CTDNEP1: variants seen among roughly 807,000 people sequenced by gnomAD.
CTDNEP1 encodes CTD nuclear envelope phosphatase 1.
In CTDNEP1, 3 loss-of-function variants were observed where a neutral mutation model predicts 30.1. The observed-to-expected ratio is 0.10, with a 90% CI of 0.05 to 0.26. CTDNEP1 has a LOEUF of 0.26. Among genes scored for constraint, CTDNEP1 ranks in the 10% least tolerant of loss-of-function variants. The pLI, the probability that CTDNEP1 is intolerant of heterozygous loss-of-function variation, is 1.00. For synonymous variants in CTDNEP1, 123 were observed against 118.8 expected (o/e 1.04, Z -0.23); for missense variants, 158 against 310.4 (o/e 0.51, Z 3.69).
Position 7,244,564 on chromosome 17 carries a change from G to A in CTDNEP1, c.661C>T (p.Leu221=). 1.9e-6 allele frequency: 3 copies of A among 1,613,794 alleles called. No individual in the cohort carries two copies. In the South Asian group the frequency reaches 3.3e-5, roughly 18 times the overall value. The part of the protein sequence containing the change: ...DTALLNLLPM[L]DALRFTADVR... ...CACTTCCCTTACCTGAGGGCATCCAGCATTGGGAGCAGGTTGAGAAGGGCT... is the reference window on the plus strand; with the variant it reads ...CACTTCCCTTACCTGAGGGCATCCAACATTGGGAGCAGGTTGAGAAGGGCT... The change falls in exon 7 of 8, where the codon CTG becomes TTG. Residue 221 remains leucine, a synonymous_variant. Coordinates refer to ENST00000574322, the MANE Select transcript of CTDNEP1 (RefSeq NM_001143775.2).
At chr17:7,247,245 A>G (rs1276754839) in intron 2 of CTDNEP1, 32 bp downstream of exon 2, 3 of 1,611,864 alleles carry the variant, frequency 1.9e-6, no homozygotes, top group Non-Finnish European at 2.5e-6. Flanking sequence ...CCCCTACTTC[A>G]CCCTAAAGGA....
intron 6 of CTDNEP1, 26 bp from the exon 7 acceptor site, chr17:7,244,661 G>A (rs1167891729): frequency 6.6e-7 from 1 of 1,504,190 alleles, no homozygotes; most frequent in Non-Finnish European, 9.0e-7. Flanking sequence ...ATGCAGATGA[G>A]AAGAAACAGA....
intron 1 of CTDNEP1, among the ~76,000 whole-genome samples, chr17:7,250,777 G>C (rs978622963): frequency 6.6e-6 from 1 of 151,252 alleles, no homozygotes; most frequent in African/African-American, 2.4e-5. Context: ...TGACACACAA[G>C]TCTGTCTCTT....
intron 6 of CTDNEP1, among the ~76,000 whole-genome samples, chr17:7,245,557 G>C (rs911965747): frequency 1.3e-5 from 2 of 151,794 alleles, no homozygotes; most frequent in African/African-American, 4.8e-5. Context: ...GGAGTGCAAT[G>C]GTGCAATCTC....
Position 7,246,785 on chromosome 17 carries a change from A to C in CTDNEP1, c.360+6T>G. ...ACAGAGCTCCCTTTAGCTCTCCAAA[A>C]CTCACCACTTCCAGGAAGAAATCCA... On this transcript the variant is annotated splice_donor_region_variant and intron_variant, in intron 4 of 7. Coordinates refer to ENST00000574322, the MANE Select transcript of CTDNEP1 (RefSeq NM_001143775.2). The surrounding 1 kb of genome is among the most constrained non-coding windows in gnomAD (Gnocchi z 4.9). The C allele has an allele frequency of 6.2e-7, 1 of 1,612,790 alleles. No individual in the cohort carries two copies. Among genetic ancestry groups the C allele is most frequent in the Non-Finnish European group, 8.5e-7 (1 of 1,178,990 alleles).
In CTDNEP1 at chr17:7,248,731, C is replaced by G. The variant is rs576555344; in HGVS notation, c.103-1388G>C. 2.6e-5 allele frequency among the ~76,000 whole-genome samples: 4 copies of G among 152,258 alleles called. No homozygotes were observed. The South Asian group carries it at 6.2e-4, about 24-fold the overall frequency. ...ACGACCCCCACAACGCAACCTTCAC[C>G]CCAAGAATTATTTGTAGCAACTACC... On this transcript the variant is annotated intron_variant, in intron 1 of 7. Coordinates refer to ENST00000574322, the MANE Select transcript of CTDNEP1 (RefSeq NM_001143775.2).
chr17:7,247,872 C>T (rs1184204555), intron 1 of CTDNEP1, among the ~76,000 whole-genome samples: 1 of 152,002 alleles, frequency 6.6e-6, no homozygotes, highest in Non-Finnish European at 1.5e-5. Flanking sequence ...TGTTTCTCTC[C>T]CTAATTAAAA....
At chr17:7,248,287 A>AG (rs2071870864) in intron 1 of CTDNEP1, among the ~76,000 whole-genome samples, 5 of 146,980 alleles carry the variant, frequency 3.4e-5, no homozygotes, top group Non-Finnish European at 6.0e-5. Flanking sequence ...AAAAAAAAAA[A>AG]GTAGAATCAA....
chr17:7,244,770 A>C, intron 6 of CTDNEP1, 135 bp from the exon 7 acceptor site: 1 of 662,064 alleles, frequency 1.5e-6, no homozygotes, highest in Non-Finnish European at 2.5e-6. Context: ...CCTAAGTAAA[A>C]CTTTCCTGGT....
At chr17:7,247,247 C>T (rs753018839) in intron 2 of CTDNEP1, 30 bp downstream of exon 2, 10 of 1,612,356 alleles carry the variant, frequency 6.2e-6, no homozygotes, top group Admixed American at 1.7e-5. Flanking sequence ...CCTACTTCAC[C>T]CTAAAGGAGG....
intron 1 of CTDNEP1, among the ~76,000 whole-genome samples, chr17:7,249,140 C>G (rs2071880755): frequency 6.6e-6 from 1 of 152,192 alleles, no homozygotes; most frequent in Admixed American, 6.5e-5. Context: ...CTCTGCTTCT[C>G]CAAGCATTCT....
chr17:7,246,223 G>A lies in CTDNEP1; in HGVS notation c.477+31C>T, dbSNP rs1286930722. 9.4e-6 allele frequency: 15 copies of A among 1,589,828 alleles called. No individual in the cohort carries two copies. Among genetic ancestry groups the A allele is most frequent in the Non-Finnish European group, 1.2e-5 (14 of 1,158,088 alleles). On this transcript the variant is annotated intron_variant, in intron 5 of 7. Transcript: ENST00000574322. This position sits in a 1 kb window ranked among gnomAD's most constrained non-coding sequence, Gnocchi z 4.9. ...CCCTCCCTGGTGGCCTCCCTCCCAA[G>A]CCACACTCTTAGACTGGGATTCTAG...
At position 7,246,405 on chromosome 17, in the gene CTDNEP1, A is replaced by G; in HGVS notation, c.361-35T>C. 1 of 1,440,084 alleles carries G rather than the reference A, an allele frequency of 6.9e-7. No individual in the cohort carries two copies. Among genetic ancestry groups the G allele is most frequent in the Non-Finnish European group, 9.8e-7 (1 of 1,023,430 alleles). The allele number at this position is 1,440,084 out of a possible 1,614,324, so 89.2% of individuals were successfully genotyped here. On this transcript the variant is annotated intron_variant, in intron 4 of 7. Transcript: ENST00000574322. The surrounding 1 kb of genome is among the most constrained non-coding windows in gnomAD (Gnocchi z 4.9). ...ATTGGGGGAGAGGGCGATGCCATACAAGGTGATGATTCCTTTAGACATACA... is the reference window on the plus strand; with the variant it reads ...ATTGGGGGAGAGGGCGATGCCATACGAGGTGATGATTCCTTTAGACATACA...
chr17:7,251,661 A>C lies in CTDNEP1; in HGVS notation c.-365T>G. 1.0e-5 allele frequency: 1 copy of C among 96,326 alleles called. No homozygotes were observed. Among genetic ancestry groups the C allele is most frequent in the Non-Finnish European group, 2.0e-5 (1 of 49,334 alleles). 6.0% of individuals were successfully genotyped at this position (96,326 alleles called of 1,614,324 possible). On this transcript the variant is annotated 5_prime_UTR_variant, in exon 1 of 8. Transcript: ENST00000574322. The stretch of plus-strand genomic sequence containing the variant: ...GCAGTGGGGGAGGGGGCTAGGGAAA[A>C]GGGAGGAAGGGAAAAGGGAAGGGGA...
In CTDNEP1 at chr17:7,246,930, C is replaced by G. The variant is rs1342208709; in HGVS notation, c.289-68G>C. On this transcript the variant is annotated intron_variant, in intron 3 of 7. Transcript: ENST00000574322. This position sits in a 1 kb window ranked among gnomAD's most constrained non-coding sequence, Gnocchi z 4.9. ...CAACCCAGGCCTAGAAAACGCCCCA[C>G]CCATCTGCTTCCCTCCTCCAGGCTG... 6.8e-7 allele frequency: 1 copy of G among 1,477,574 alleles called. No homozygotes were observed. The highest frequency in any genetic ancestry group is 1.1e-5 in the South Asian group (1 of 87,484). 91.5% of individuals were successfully genotyped at this position (1,477,574 alleles called of 1,614,324 possible).
At chr17:7,244,735 G>T in intron 6 of CTDNEP1, 100 bp from the exon 7 acceptor site, 1 of 887,978 alleles carries the variant, frequency 1.1e-6, no homozygotes, top group Non-Finnish European at 1.7e-6. Flanking sequence ...AAAAATATAT[G>T]CCTCCCACTA....
chr17:7,244,420 G>T (rs543834653), intron 7 of CTDNEP1, 131 bp downstream of exon 7: 2 of 1,193,144 alleles, frequency 1.7e-6, no homozygotes, highest in South Asian at 2.5e-5. Context: ...GAAGTAAGAC[G>T]ACCTGGGTCC....
intron 1 of CTDNEP1, among the ~76,000 whole-genome samples, chr17:7,250,442 A>G (rs2071899951): frequency 6.6e-6 from 1 of 152,164 alleles, no homozygotes; most frequent in African/African-American, 2.4e-5. Context: ...TCAGAATGCT[A>G]GGCTCTCCTG....
At position 7,246,711 on chromosome 17, in the gene CTDNEP1, T is replaced by C. The variant is rs544368108; in HGVS notation, c.360+80A>G. The C allele has an allele frequency of 5.5e-6, 7 of 1,281,820 alleles. No homozygotes were observed. The East Asian group carries it at 1.2e-4, about 21-fold the overall frequency. The allele number at this position is 1,281,820 out of a possible 1,614,324, so 79.4% of individuals were successfully genotyped here. ...GCTCTAACCCGTTTCTCCTCACCCC[T>C]TCCTCCAAATCCTCCCAATTCCCAG... On this transcript the variant is annotated intron_variant, in intron 4 of 7. Coordinates refer to ENST00000574322, the MANE Select transcript of CTDNEP1 (RefSeq NM_001143775.2). This position sits in a 1 kb window ranked among gnomAD's most constrained non-coding sequence, Gnocchi z 4.9.
Sources: gnomAD v4.1 joint callset for allele counts (sites outside exome capture counted in the v4.1 genomes callset) on GRCh38, gnomAD v4.1.1 for gene constraint, Gnocchi (gnomAD v3.1) non-coding constraint, MANE v1.5 for transcripts, NCBI Gene and HGNC (gene_info 2026-07-23, HGNC 2026-07-21) for gene names.